LRRC71: variants seen among roughly 807,000 people sequenced by gnomAD.
LRRC71 encodes the protein leucine rich repeat containing 71.
LRRC71 carries 54 observed loss-of-function variants against 66.6 expected under a neutral mutation model. The observed-to-expected ratio is 0.81, with a 90% CI of 0.65 to 1.02. The LOEUF is 1.02. Ranked by LOEUF, LRRC71 falls within the 50% of genes least tolerant of loss-of-function variation. The pLI, the probability that LRRC71 is intolerant of heterozygous loss-of-function variation, is 0.00. For synonymous variants in LRRC71, 323 were observed against 303.9 expected, an observed-to-expected ratio of 1.06 and a Z score of -0.65; for missense variants, 724 against 718.0, an observed-to-expected ratio of 1.01 and a Z score of -0.10.
Position 156,924,044 on chromosome 1 carries a change from C to CCCCCCCCCCCCCCCCACG in LRRC71, c.256_257insCCCCCCCCCCCCCCCACG (p.Arg86delinsProProProProProHisGly). Reference sequence around the variant, plus strand: ...CTTCCCCAAAGTTGTCAACCGGCCCCGCCCCCACCCGCCCTTCGTCCCCTC... The same window carrying CCCCCCCCCCCCCCCCACG: ...CTTCCCCAAAGTTGTCAACCGGCCCCCCCCCCCCCCCCCCCACGGCCCCCACCCGCCCTTCGTCCCCTC... On this transcript the variant is annotated protein_altering_variant, in exon 2 of 15. Coordinates refer to ENST00000337428, the MANE Select transcript of LRRC71 (RefSeq NM_144702.3). 6.5e-7 allele frequency: 1 copy of CCCCCCCCCCCCCCCCACG among 1,547,310 alleles called. No homozygotes were observed. Among genetic ancestry groups the CCCCCCCCCCCCCCCCACG allele is most frequent in the Non-Finnish European group, 8.7e-7 (1 of 1,145,076 alleles).
Position 156,923,875 on chromosome 1 carries a change from C to T in LRRC71, c.161-74C>T, listed in dbSNP as rs76672327. 109 of 1,403,768 alleles carry T rather than the reference C, an allele frequency of 7.8e-5. No individual in the cohort carries two copies. In the East Asian group the frequency reaches 2.7e-3, roughly 35 times the overall value. The allele number at this position is 1,403,768 out of a possible 1,614,324, so 87.0% of individuals were successfully genotyped here. ...AATATCCGTCTGAGGAGGGCCCCTC[C>T]GCCCGCGCGGGAGAGCTTGGGGATG... On this transcript the variant is annotated intron_variant, in intron 1 of 14. Transcript: ENST00000337428.
In LRRC71 at chr1:156,930,563, A is replaced by G; in HGVS notation, c.1275A>G (p.Ala425=). 6.4e-7 allele frequency: 1 copy of G among 1,569,112 alleles called. No homozygotes were observed. The highest frequency in any genetic ancestry group is 8.6e-7 in the Non-Finnish European group (1 of 1,156,872). The change falls in exon 12 of 15, where the codon GCA becomes GCG. Residue 425 remains alanine (A), a synonymous_variant. Transcript: ENST00000337428. Reference sequence around the variant, plus strand: ...TCCCTGAACAGAAGCCAAGCAGGGCAAAAGGGATCAAGATCGGGAGCAGAG... The same window carrying G: ...TCCCTGAACAGAAGCCAAGCAGGGCGAAAGGGATCAAGATCGGGAGCAGAG... ...VTIPEQKPSR[A]KGIKIGSREK...
Position 156,927,564 on chromosome 1 carries a change from T to C in LRRC71, c.731T>C (p.Leu244Pro). The C allele has an allele frequency of 6.3e-7, 1 of 1,585,212 alleles. No homozygotes were observed. Among genetic ancestry groups the C allele is most frequent in the South Asian group, 1.2e-5 (1 of 86,580 alleles). Residue 244 changes from leucine to proline, a missense_variant, in exon 7 of 15, where the codon CTG becomes CCG. Leu to Pro is a moderately conservative substitution (Grantham distance 98, BLOSUM62 -3). Coordinates refer to ENST00000337428, the MANE Select transcript of LRRC71 (RefSeq NM_144702.3). ...GGGGCGCAACTCCTGGGCCAGGCGC[T>C]GTCCACGCTGCACAGCTGCAACCGG... ...DRGAQLLGQA[L>P]STLHSCNRTL...
chr1:156,936,778 C>G (rs766106427), downstream of LRRC71: 3 of 1,589,628 alleles, frequency 1.9e-6, no homozygotes, highest in South Asian at 1.1e-5. Context: ...GACTTCTCCC[C>G]CAATGGTAGG....
rs1032270732 is a variant in LRRC71 at position 156,927,258 on chromosome 1, C to A, written c.650C>A (p.Ala217Asp). The A allele has an allele frequency of 6.2e-7, 1 of 1,613,616 alleles. No homozygotes were observed. The highest frequency in any genetic ancestry group is 8.5e-7 in the Non-Finnish European group (1 of 1,179,766). Reference sequence around the variant, plus strand: ...GAGCAGTCCTATCACAAGCTCATGGCCTTGGACAGCACGTGAGACTCCCTG... The same window carrying A: ...GAGCAGTCCTATCACAAGCTCATGGACTTGGACAGCACGTGAGACTCCCTG... ...LPEQSYHKLM[A>D]LDSTIAHLSL... The change falls in exon 6 of 15, where the codon GCC becomes GAC. Residue 217 changes from alanine (A) to aspartate (D), a missense_variant. Ala to Asp is a moderately radical substitution (Grantham distance 126, BLOSUM62 -2). Transcript: ENST00000337428.
Position 156,932,608 on chromosome 1 carries a change from C to G in LRRC71, c.1563+63C>G, listed in dbSNP as rs745426898. On this transcript the variant is annotated intron_variant, in intron 14 of 14. Transcript: ENST00000337428. ...TGCCCCTATCAGCTGTCATACTAGA[C>G]AGCTGCTGCAGGCAGCTTCTGTCTC... The G allele has an allele frequency of 3.1e-5, 50 of 1,613,764 alleles. No homozygotes were observed. In the Admixed American group the frequency reaches 4.8e-4, roughly 16 times the overall value.
At chr1:156,924,170 G>A (rs1652825300) in intron 2 of LRRC71, 72 bp downstream of exon 2, 3 of 1,487,242 alleles carry the variant, frequency 2.0e-6, no homozygotes, top group South Asian at 1.2e-5. Flanking sequence ...TTCCCACGCC[G>A]GGCCAAATGG....
In LRRC71 at chr1:156,927,538, CG is replaced by C; in HGVS notation, c.709del (p.Ala237ArgfsTer42). On this transcript the variant is annotated frameshift_variant, in exon 7 of 15. Coordinates refer to ENST00000337428, the MANE Select transcript of LRRC71 (RefSeq NM_144702.3). LOFTEE classifies it high-confidence loss of function. The part of the protein sequence containing the change: ...SLRNNNIDDR[G>X]AQLLGQALST... Reference sequence around the variant, plus strand: ...TGCGGAACAATAACATCGACGACCGCGGGGCGCAACTCCTGGGCCAGGCGCT... The same window carrying C: ...TGCGGAACAATAACATCGACGACCGCGGGCGCAACTCCTGGGCCAGGCGCT... The C allele has an allele frequency of 6.4e-7, 1 of 1,555,956 alleles. No individual in the cohort carries two copies. Among genetic ancestry groups the C allele is most frequent in the Non-Finnish European group, 8.7e-7 (1 of 1,152,422 alleles).
chr1:156,935,530 C>T (rs535288340), downstream of LRRC71: 24 of 155,934 alleles, frequency 1.5e-4, no homozygotes, highest in Non-Finnish European at 2.7e-4. Flanking sequence ...ACATACGATA[C>T]ATACATATTT....
At chr1:156,938,593 G>C in the LRRC71 span, 1 of 1,385,734 alleles carries the variant, frequency 7.2e-7, no homozygotes, top group Middle Eastern at 1.8e-4. Context: ...AGGAAGGAGA[G>C]AGGGCAGGAG....
Position 156,923,980 on chromosome 1 carries a change from C to G in LRRC71, c.192C>G (p.Thr64=), listed in dbSNP as rs1209208850. The part of the protein sequence containing the change: ...EEYQCSGVLE[T]DFAELCTRWG... ...ACCAGTGCTCCGGGGTCCTCGAGAC[C>G]GACTTCGCCGAGCTCTGCACGCGGT... is the stretch of plus-strand genomic sequence containing the variant. Residue 64 remains threonine (T), a synonymous_variant, in exon 2 of 15, where the codon ACC becomes ACG. Coordinates refer to ENST00000337428, the MANE Select transcript of LRRC71 (RefSeq NM_144702.3). 7 of 1,538,284 alleles carry G rather than the reference C, an allele frequency of 4.6e-6. No homozygotes were observed. The East Asian group carries it at 9.8e-5, about 22-fold the overall frequency.
In LRRC71 at chr1:156,920,698, G is replaced by A. The variant is rs1652225107; in HGVS notation, c.-106G>A. ...GGGTCGGATCCGGTCCCTGGACGCG[G>A]AACAGAGATCCCCTGATTCAGCCAC... On this transcript the variant is annotated 5_prime_UTR_variant, in exon 1 of 15. Transcript: ENST00000337428. The surrounding 1 kb of genome is among the most constrained non-coding windows in gnomAD (Gnocchi z 4.9). 7.7e-7 allele frequency: 1 copy of A among 1,297,992 alleles called. No homozygotes were observed. Among genetic ancestry groups the A allele is most frequent in the Non-Finnish European group, 9.9e-7 (1 of 1,007,066 alleles). The allele number at this position is 1,297,992 out of a possible 1,614,324, so 80.4% of individuals were successfully genotyped here.
chr1:156,937,016 C>T (rs58466004), downstream of LRRC71: 5,580 of 1,609,874 alleles, frequency 3.5e-3, 152 homozygotes, highest in African/African-American at 0.066. Flanking sequence ...CTGGAAGAGT[C>T]GGCGGGGGAA....
At chr1:156,921,178 T>TC (rs1652304332) in intron 1 of LRRC71, among the ~76,000 whole-genome samples, 2 of 152,172 alleles carry the variant, frequency 1.3e-5, no homozygotes, top group Admixed American at 6.5e-5. Context: ...TGTGATAAGA[T>TC]ATAGAAGAGA....
At position 156,927,541 on chromosome 1, in the gene LRRC71, G is replaced by C; in HGVS notation, c.708G>C (p.Gly236=). The part of the protein sequence containing the change: ...SLRNNNIDDR[G]AQLLGQALST... ...GGAACAATAACATCGACGACCGCGG[G>C]GCGCAACTCCTGGGCCAGGCGCTGT... The change falls in exon 7 of 15, where the codon GGG becomes GGC. Residue 236 remains glycine (G), a synonymous_variant. Transcript: ENST00000337428. 1.9e-6 allele frequency: 3 copies of C among 1,558,442 alleles called. No homozygotes were observed. The highest frequency in any genetic ancestry group is 2.6e-6 in the Non-Finnish European group (3 of 1,153,466).
chr1:156,938,606 G>A, the LRRC71 span: 1 of 1,173,774 alleles, frequency 8.5e-7, no homozygotes, highest in Non-Finnish European at 1.2e-6. Context: ...GGCAGGAGGT[G>A]GGGACAGGGG....
chr1:156,933,484 T>A (rs113245903), downstream of LRRC71, among the ~76,000 whole-genome samples: 2 of 152,212 alleles, frequency 1.3e-5, no homozygotes, highest in Non-Finnish European at 1.5e-5. Flanking sequence ...CTGGCCCAGG[T>A]GTTTGACTGC....
chr1:156,940,535 AGTT>A, the LRRC71 span: 2 of 995,754 alleles, frequency 2.0e-6, no homozygotes, highest in Non-Finnish European at 2.9e-6. Context: ...CTTATTCTAC[AGTT>A]GTTTACTGAG....
chr1:156,927,545 C>A lies in LRRC71; in HGVS notation c.712C>A (p.Gln238Lys). The A allele has an allele frequency of 6.4e-7, 1 of 1,563,180 alleles. No homozygotes were observed. The change falls in exon 7 of 15, where the codon CAA (glutamine) becomes AAA (lysine). Residue 238 changes from glutamine to lysine, a missense_variant. By Grantham distance (53) the Gln-to-Lys change is moderately conservative (BLOSUM62 1). Coordinates refer to ENST00000337428, the MANE Select transcript of LRRC71 (RefSeq NM_144702.3). ...RNNNIDDRGA[Q>K]LLGQALSTLH... is the part of the protein sequence containing the mutation. ...CAATAACATCGACGACCGCGGGGCG[C>A]AACTCCTGGGCCAGGCGCTGTCCAC...
Sources: gnomAD v4.1 joint callset for allele counts (sites outside exome capture counted in the v4.1 genomes callset) on GRCh38, gnomAD v4.1.1 for gene constraint, Gnocchi (gnomAD v3.1) non-coding constraint, MANE v1.5 for transcripts, NCBI Gene and HGNC (gene_info 2026-07-23, HGNC 2026-07-21) for gene names.